INPP4B: variants seen among roughly 807,000 people sequenced by gnomAD.
INPP4B encodes the protein inositol polyphosphate 4-phosphatase type II.
Under a neutral mutation model 122.5 loss-of-function variants are expected in INPP4B, and 55 were observed. The observed-to-expected ratio is 0.45, with a 90% CI of 0.36 to 0.56. The LOEUF (loss-of-function observed/expected upper bound fraction) is 0.56, where lower values mean the gene tolerates loss of function less well. INPP4B is among the 20% of genes least tolerant of loss of function. INPP4B has a pLI of 0.00. For missense variants in INPP4B, 1,000 were observed against 1,097.7 expected (o/e 0.91, Z 1.26); for synonymous variants, 403 against 388.7 (o/e 1.04, Z -0.43).
At chr4:142,233,659 G>A (rs963561629) in intron 12 of INPP4B, among the ~76,000 whole-genome samples, 3 of 152,158 alleles carry the variant, frequency 2.0e-5, no homozygotes, top group East Asian at 3.9e-4. Flanking sequence ...GGTAGTGGAA[G>A]AGCAGCTGAG....
chr4:142,642,749 G>C (rs988681480), intron 2 of INPP4B, among the ~76,000 whole-genome samples: 1 of 152,190 alleles, frequency 6.6e-6, no homozygotes, highest in East Asian at 1.9e-4. Context: ...TTGGTGATGC[G>C]GGCTCTTTTT....
chr4:142,427,611 A>T (rs769946034), intron 5 of INPP4B: 10 of 403,318 alleles, frequency 2.5e-5, no homozygotes, highest in Admixed American at 8.4e-5. Context: ...CAAGTATGCC[A>T]TTTCTTGAAG....
At chr4:142,686,857 A>G (rs1278033679) in intron 2 of INPP4B, among the ~76,000 whole-genome samples, 1 of 152,136 alleles carries the variant, frequency 6.6e-6, no homozygotes, top group East Asian at 1.9e-4. Flanking sequence ...GAGATTAGAA[A>G]GCAGGCCAGC....
intron 25 of INPP4B, among the ~76,000 whole-genome samples, chr4:142,033,726 G>A (rs556631337): frequency 2.4e-4 from 36 of 147,692 alleles, no homozygotes; most frequent in East Asian, 1.8e-3. Context: ...GTACAGTGGC[G>A]TGATCATGGC....
chr4:142,774,684 G>A lies in INPP4B; in HGVS notation c.-253-48783C>T, dbSNP rs1003116574. On this transcript the variant is annotated intron_variant, in intron 1 of 25. Coordinates refer to ENST00000262992, the MANE Select transcript of INPP4B (RefSeq NM_001101669.3). ...GTTACCAGAGTTATTTATTGATTTT[G>A]TCTTCTGCACATCATGTTTGTCTCT... Among the ~76,000 whole-genome samples, 3 of 151,776 alleles carry A rather than the reference G, an allele frequency of 2.0e-5. No homozygotes were observed. In the South Asian group the frequency reaches 6.2e-4, roughly 32 times the overall value.
chr4:142,750,722 TG>T (rs1391815594), intron 1 of INPP4B, among the ~76,000 whole-genome samples: 1 of 152,110 alleles, frequency 6.6e-6, no homozygotes, highest in Non-Finnish European at 1.5e-5. Context: ...AAGGGCCCCT[TG>T]GCAGATGGGT....
chr4:142,105,900 AC>A (rs1786825536), intron 23 of INPP4B, among the ~76,000 whole-genome samples: 1 of 152,092 alleles, frequency 6.6e-6, no homozygotes, highest in Admixed American at 6.6e-5. Context: ...AAATGGCCTA[AC>A]CTCTACTCAT....
chr4:142,326,262 C>A (rs1483789419), intron 7 of INPP4B, among the ~76,000 whole-genome samples: 1 of 152,110 alleles, frequency 6.6e-6, no homozygotes, highest in East Asian at 1.9e-4. Flanking sequence ...AAAAGCTGTA[C>A]AAAGTAGGAC....
intron 14 of INPP4B, among the ~76,000 whole-genome samples, chr4:142,203,900 C>G (rs1841680256): frequency 6.6e-6 from 1 of 151,972 alleles, no homozygotes; most frequent in Non-Finnish European, 1.5e-5. Context: ...AAGGCTTAGC[C>G]CATCTTACTT....
intron 7 of INPP4B, among the ~76,000 whole-genome samples, chr4:142,394,136 TG>T (rs1798593603): frequency 6.6e-6 from 1 of 151,834 alleles, no homozygotes; most frequent in Admixed American, 6.6e-5. Flanking sequence ...CTGTTTTGTG[TG>T]GTTTTTTTTG....
chr4:142,605,603 A>G (rs1298622193), intron 2 of INPP4B, among the ~76,000 whole-genome samples: 1 of 152,004 alleles, frequency 6.6e-6, no homozygotes, highest in Non-Finnish European at 1.5e-5. Flanking sequence ...AATCCTACTA[A>G]AAAGTTAGCA....
intron 7 of INPP4B, among the ~76,000 whole-genome samples, chr4:142,381,148 C>T (rs1280683017): frequency 6.6e-6 from 1 of 152,102 alleles, no homozygotes; most frequent in Admixed American, 6.6e-5. Flanking sequence ...TCAAAATGTA[C>T]ACTTATTTTC....
chr4:142,777,498 A>C (rs1345073717), intron 1 of INPP4B, among the ~76,000 whole-genome samples: 1 of 152,066 alleles, frequency 6.6e-6, no homozygotes, highest in Non-Finnish European at 1.5e-5. Context: ...CTCCAGAAAA[A>C]AATGCAGCCC....
At chr4:142,583,277 G>A (rs764307297) in intron 2 of INPP4B, among the ~76,000 whole-genome samples, 100 of 152,090 alleles carry the variant, frequency 6.6e-4, no homozygotes, top group Admixed American at 1.6e-3. Flanking sequence ...CCCTGTCACA[G>A]ATGCTGTCAA....
chr4:142,624,831 G>T (rs377766983), intron 2 of INPP4B, among the ~76,000 whole-genome samples: 1 of 151,908 alleles, frequency 6.6e-6, no homozygotes, highest in Non-Finnish European at 1.5e-5. Flanking sequence ...TTCAATATAC[G>T]CAAATCAATA....
intron 25 of INPP4B, among the ~76,000 whole-genome samples, chr4:142,062,187 G>A (rs2152440795): frequency 6.6e-6 from 1 of 152,148 alleles, no homozygotes; most frequent in South Asian, 2.1e-4. Flanking sequence ...AGTGGAATCA[G>A]TTCAGGCGCA....
chr4:142,335,946 G>C (rs922528726), intron 7 of INPP4B, among the ~76,000 whole-genome samples: 2 of 152,124 alleles, frequency 1.3e-5, no homozygotes, highest in Non-Finnish European at 2.9e-5. Flanking sequence ...TACAGTCCAC[G>C]ACCTAGTGAG....
chr4:142,698,760 C>T (rs1017521185), intron 2 of INPP4B, among the ~76,000 whole-genome samples: 4 of 152,144 alleles, frequency 2.6e-5, no homozygotes, highest in Non-Finnish European at 4.4e-5. Context: ...CAGACTCAAG[C>T]CCCCAGGGCT....
At chr4:142,584,299 T>C (rs1735705424) in intron 2 of INPP4B, among the ~76,000 whole-genome samples, 1 of 152,178 alleles carries the variant, frequency 6.6e-6, no homozygotes, top group Admixed American at 6.6e-5. Flanking sequence ...TATGTTATAA[T>C]TAGGAACATT....
Sources: allele counts gnomAD v4.1 joint callset (sites outside exome capture counted in the v4.1 genomes callset), GRCh38; gene constraint gnomAD v4.1.1; transcripts MANE v1.5; gene names NCBI Gene and HGNC (gene_info 2026-07-23, HGNC 2026-07-21).